SLC35F1: variants seen among roughly 807,000 people sequenced by gnomAD.
SLC35F1 encodes the protein solute carrier family 35 member F1, also known as chromosome 6 open reading frame 169.
A neutral mutation model predicts 48.7 loss-of-function variants in SLC35F1; 14 were observed. That is an observed-to-expected ratio of 0.29 (90% CI 0.19 to 0.45). The LOEUF (loss-of-function observed/expected upper bound fraction) is 0.45, where lower values mean the gene tolerates loss of function less well. SLC35F1 is among the 20% of genes least tolerant of loss of function. The probability of loss-of-function intolerance (pLI) is 1.00; values close to 1 mark genes in which losing one functional copy is unlikely to be tolerated. For synonymous variants in SLC35F1, 190 were observed against 202.2 expected (o/e 0.94, Z 0.51); for missense variants, 404 against 500.0 (o/e 0.81, Z 1.83).
At chr6:118,015,788 AT>A (rs1412500036) in intron 1 of SLC35F1, among the ~76,000 whole-genome samples, 2 of 152,058 alleles carry the variant, frequency 1.3e-5, no homozygotes, top group East Asian at 1.9e-4. Flanking sequence ...ACACTTCTAA[AT>A]TTTTTTATGA....
intron 1 of SLC35F1, among the ~76,000 whole-genome samples, chr6:117,921,690 A>T (rs996083896): frequency 1.3e-5 from 2 of 152,216 alleles, no homozygotes; most frequent in African/African-American, 4.8e-5. Flanking sequence ...TCTTAGGCTG[A>T]TAAATGAACT....
At chr6:118,127,798 A>G in intron 1 of SLC35F1, among the ~76,000 whole-genome samples, 1 of 151,744 alleles carries the variant, frequency 6.6e-6, no homozygotes, top group East Asian at 1.9e-4. Context: ...ACAAAAGCCA[A>G]AATTGACAAA....
intron 3 of SLC35F1, among the ~76,000 whole-genome samples, chr6:118,249,983 T>C (rs1342641576): frequency 6.6e-6 from 1 of 152,148 alleles, no homozygotes; most frequent in African/African-American, 2.4e-5. Context: ...AATAAGTAGA[T>C]TTATACAGTA....
At chr6:118,054,751 G>A (rs1772439686) in intron 1 of SLC35F1, among the ~76,000 whole-genome samples, 2 of 151,452 alleles carry the variant, frequency 1.3e-5, no homozygotes, top group Non-Finnish European at 2.9e-5. Flanking sequence ...CTGCTGCTGG[G>A]TTGATTGTGT....
intron 1 of SLC35F1, among the ~76,000 whole-genome samples, chr6:118,125,764 C>T (rs1349490810): frequency 6.6e-6 from 1 of 152,170 alleles, no homozygotes; most frequent in Non-Finnish European, 1.5e-5. Context: ...AGCCAGATGA[C>T]ATCTGTGATT....
intron 1 of SLC35F1, among the ~76,000 whole-genome samples, chr6:117,967,274 GA>G (rs1047276583): frequency 1.3e-5 from 2 of 151,442 alleles, no homozygotes; most frequent in African/African-American, 2.4e-5. Context: ...GAAAATACAG[GA>G]AAAAAATGAA....
intron 1 of SLC35F1, among the ~76,000 whole-genome samples, chr6:117,985,396 A>T (rs2114853347): frequency 6.6e-6 from 1 of 152,376 alleles, no homozygotes; most frequent in African/African-American, 2.4e-5. Flanking sequence ...GACAATTCAC[A>T]ATTCACTTGT....
rs1582564724 is a variant in SLC35F1, at chr6:117,923,720, T to TATGTATATACATATATGTACACATGTAC, written c.173+15823_173+15824insGTATATACATATATGTACACATGTACAT. Among the ~76,000 whole-genome samples, 6 of 5,876 alleles carry TATGTATATACATATATGTACACATGTAC rather than the reference T, an allele frequency of 1.0e-3. 2 individuals are homozygous for TATGTATATACATATATGTACACATGTAC. The highest frequency in any genetic ancestry group is 2.6e-3 in the African/African-American group (4 of 1,550). 3.9% of individuals were successfully genotyped at this position (5,876 alleles called of 152,430 possible). ...ATATACATATATGTACATATATACA[T>TATGTATATACATATATGTACACATGTAC]ATATACATATGTATATATACATATA... On this transcript the variant is annotated intron_variant, in intron 1 of 7. Coordinates refer to ENST00000360388, the MANE Select transcript of SLC35F1 (RefSeq NM_001029858.4).
intron 3 of SLC35F1, among the ~76,000 whole-genome samples, chr6:118,246,057 T>C (rs1775503761): frequency 6.6e-6 from 1 of 152,070 alleles, no homozygotes; most frequent in South Asian, 2.1e-4. Flanking sequence ...TCATCTCCCA[T>C]CCTCCTTCCA....
chr6:118,306,062 C>G (rs1776307986), intron 7 of SLC35F1, among the ~76,000 whole-genome samples: 1 of 152,148 alleles, frequency 6.6e-6, no homozygotes, highest in Admixed American at 6.5e-5. Context: ...TTCCTTACTT[C>G]CCTGGTAAAG....
intron 3 of SLC35F1, among the ~76,000 whole-genome samples, chr6:118,259,777 T>C (rs901519641): frequency 2.6e-5 from 4 of 152,024 alleles, no homozygotes; most frequent in Admixed American, 6.6e-5. Flanking sequence ...GCTGATGTGA[T>C]TGCAGAATGG....
chr6:118,001,880 G>T (rs1777102732), intron 1 of SLC35F1, among the ~76,000 whole-genome samples: 1 of 151,524 alleles, frequency 6.6e-6, no homozygotes, highest in South Asian at 2.1e-4. Flanking sequence ...TCAGAGAAAT[G>T]CAAATCAAAA....
chr6:117,990,907 A>T (rs999722959), intron 1 of SLC35F1, among the ~76,000 whole-genome samples: 12 of 152,132 alleles, frequency 7.9e-5, no homozygotes, highest in Admixed American at 6.5e-5. Flanking sequence ...AGTCTTCATA[A>T]ATGACTAGGT....
chr6:118,286,025 T>C (rs1239656828), intron 7 of SLC35F1, among the ~76,000 whole-genome samples: 1 of 152,190 alleles, frequency 6.6e-6, no homozygotes, highest in Non-Finnish European at 1.5e-5. Flanking sequence ...CCTACTCCTC[T>C]TAACACCACA....
chr6:117,930,697 C>A (rs1776089000), intron 1 of SLC35F1, among the ~76,000 whole-genome samples: 1 of 152,110 alleles, frequency 6.6e-6, no homozygotes, highest in Non-Finnish European at 1.5e-5. Flanking sequence ...GTATTCCAGT[C>A]TTATCTTCCT....
chr6:118,025,654 TTG>T (rs1777452269), intron 1 of SLC35F1, among the ~76,000 whole-genome samples: 2 of 152,216 alleles, frequency 1.3e-5, no homozygotes, highest in Non-Finnish European at 2.9e-5. Flanking sequence ...ATGATATATT[TTG>T]TGAGGATAGA....
At chr6:117,917,199 C>A (rs961610839) in intron 1 of SLC35F1, among the ~76,000 whole-genome samples, 20 of 151,768 alleles carry the variant, frequency 1.3e-4, no homozygotes, top group African/African-American at 4.8e-4. Flanking sequence ...GGCAGAGATG[C>A]TAAGATGAAA....
intron 1 of SLC35F1, among the ~76,000 whole-genome samples, chr6:118,069,882 A>G (rs1772672873): frequency 1.3e-5 from 2 of 151,432 alleles, no homozygotes; most frequent in South Asian, 4.2e-4. Flanking sequence ...CACGCCTGTA[A>G]TCCCAGCACT....
chr6:118,065,020 T>C (rs1772593075), intron 1 of SLC35F1, among the ~76,000 whole-genome samples: 1 of 152,192 alleles, frequency 6.6e-6, no homozygotes, highest in Non-Finnish European at 1.5e-5. Flanking sequence ...TCACCATAGA[T>C]ACCTGAATTA....
Sources: gnomAD v4.1 joint callset for allele counts (sites outside exome capture counted in the v4.1 genomes callset) on GRCh38, gnomAD v4.1.1 for gene constraint, MANE v1.5 for transcripts, NCBI Gene and HGNC (gene_info 2026-07-23, HGNC 2026-07-21) for gene names.